Variants in PDE8A observed in about 807,000 individuals in gnomAD.
PDE8A encodes high affinity cAMP-specific and IBMX-insensitive 3',5'-cyclic phosphodiesterase 8A.
Under a neutral mutation model 105.0 loss-of-function variants are expected in PDE8A, and 59 were observed. The ratio of observed to expected loss-of-function variants is 0.56; its 90% confidence interval spans 0.46 to 0.70. The LOEUF is 0.70. PDE8A is among the 30% of genes least tolerant of loss of function. The pLI, the probability that PDE8A is intolerant of heterozygous loss-of-function variation, is 0.00. For synonymous variants in PDE8A, 355 were observed against 371.9 expected (o/e 0.95, Z 0.52); for missense variants, 1,014 against 1,045.9 (o/e 0.97, Z 0.42).
chr15:85,057,044 C>A lies in PDE8A; in HGVS notation c.187-7326C>A, dbSNP rs554442437. Reference sequence around the variant, plus strand: ...TTAGTTTTCCTTCTAACAGTCAGGACCCTCAACTGCAGGCCTGTTGGAGTT... The same window carrying A: ...TTAGTTTTCCTTCTAACAGTCAGGAACCTCAACTGCAGGCCTGTTGGAGTT... On this transcript the variant is annotated intron_variant, in intron 1 of 21. Coordinates refer to ENST00000394553, the MANE Select transcript of PDE8A (RefSeq NM_002605.3). Among the ~76,000 whole-genome samples, 5 of 152,306 alleles carry A rather than the reference C, an allele frequency of 3.3e-5. No individual in the cohort carries two copies. The South Asian group carries it at 6.2e-4, about 19-fold the overall frequency.
At chr15:84,993,962 A>G (rs2079933960) in intron 1 of PDE8A, among the ~76,000 whole-genome samples, 1 of 152,190 alleles carries the variant, frequency 6.6e-6, no homozygotes, top group Non-Finnish European at 1.5e-5. Flanking sequence ...ACTATTATTT[A>G]TTTAAATGTT....
At chr15:85,107,926 T>G (rs1291055621) in intron 11 of PDE8A, among the ~76,000 whole-genome samples, 2 of 152,054 alleles carry the variant, frequency 1.3e-5, no homozygotes, top group South Asian at 4.1e-4. Context: ...CCAGGGGTAC[T>G]GAGGAAGGAG....
chr15:85,124,837 C>G (rs2082235082), intron 19 of PDE8A, among the ~76,000 whole-genome samples: 1 of 152,140 alleles, frequency 6.6e-6, no homozygotes, highest in Non-Finnish European at 1.5e-5. Flanking sequence ...AACCATACAC[C>G]CAGCAGACTT....
In PDE8A at chr15:85,115,498, C is replaced by A; in HGVS notation, c.1399+11C>A. The A allele has an allele frequency of 7.1e-7, 1 of 1,409,198 alleles. No homozygotes were observed. Among genetic ancestry groups the A allele is most frequent in the Non-Finnish European group, 9.7e-7 (1 of 1,032,712 alleles). The allele number at this position is 1,409,198 out of a possible 1,614,324, so 87.3% of individuals were successfully genotyped here. A position where few individuals can be genotyped will look rare whatever the true frequency, so the allele number is the denominator to read the frequency against. On this transcript the variant is annotated intron_variant, in intron 15 of 21. Coordinates refer to ENST00000394553, the MANE Select transcript of PDE8A (RefSeq NM_002605.3). ...TTCTTTCAACAAAAAGTAAGTTTTT[C>A]CTTTTTAATTTCTTAGATCACTGTC...
chr15:84,995,000 A>G (rs1016719148), intron 1 of PDE8A, among the ~76,000 whole-genome samples: 9 of 151,880 alleles, frequency 5.9e-5, no homozygotes, highest in African/African-American at 2.2e-4. Context: ...TGTAAATGTT[A>G]GTATACTATA....
chr15:85,004,847 C>CT (rs35818984), intron 1 of PDE8A, among the ~76,000 whole-genome samples: 52,069 of 140,362 alleles, frequency 0.37, 10,491 homozygotes, highest in African/African-American at 0.53. Context: ...TTTTAATATT[C>CT]TTTTTTTTTT....
upstream of PDE8A, among the ~76,000 whole-genome samples, chr15:84,981,290 C>A (rs2079703134): frequency 6.6e-6 from 1 of 152,178 alleles, no homozygotes; most frequent in African/African-American, 2.4e-5. Flanking sequence ...AGGTGGCGGG[C>A]GCCCCAGCTG....
intron 1 of PDE8A, among the ~76,000 whole-genome samples, chr15:85,043,245 T>C (rs1185404242): frequency 1.3e-5 from 2 of 152,232 alleles, no homozygotes; most frequent in Admixed American, 1.3e-4. Context: ...TCAGTTTTTC[T>C]TTAGAAGGGA....
chr15:85,058,846 C>T (rs952910270), intron 1 of PDE8A, among the ~76,000 whole-genome samples: 4 of 152,012 alleles, frequency 2.6e-5, no homozygotes, highest in Non-Finnish European at 5.9e-5. Flanking sequence ...TTCAAAGAAC[C>T]AGCTTTTGGT....
At chr15:84,987,324 C>T (rs1392139416) in intron 1 of PDE8A, among the ~76,000 whole-genome samples, 1 of 152,180 alleles carries the variant, frequency 6.6e-6, no homozygotes, top group Non-Finnish European at 1.5e-5. Context: ...TACCTGAAAC[C>T]TGTCCCTGAC....
At chr15:85,117,114 C>A (rs373985593) in intron 16 of PDE8A, among the ~76,000 whole-genome samples, 3 of 152,194 alleles carry the variant, frequency 2.0e-5, no homozygotes, top group African/African-American at 7.2e-5. Flanking sequence ...CAGGGGAAAT[C>A]CCCTCATACT....
intron 1 of PDE8A, among the ~76,000 whole-genome samples, chr15:84,998,913 CAT>C (rs1324835599): frequency 2.6e-5 from 4 of 152,134 alleles, no homozygotes; most frequent in Admixed American, 2.0e-4. Flanking sequence ...TATGAGCAAA[CAT>C]ATACTCGTTT....
intron 1 of PDE8A, among the ~76,000 whole-genome samples, chr15:85,012,922 C>A (rs879609784): frequency 2.0e-4 from 30 of 152,156 alleles, no homozygotes; most frequent in Admixed American, 7.2e-4. Context: ...ACTTTGGAAA[C>A]AAAAGAGTGG....
intron 16 of PDE8A, 141 bp downstream of exon 16, chr15:85,116,260 G>A: frequency 1.4e-6 from 1 of 723,652 alleles, no homozygotes; most frequent in Non-Finnish European, 2.2e-6. Context: ...AGGGCACCAG[G>A]TGGCTCTGAG....
intron 1 of PDE8A, among the ~76,000 whole-genome samples, chr15:84,990,478 C>A (rs897112906): frequency 5.3e-5 from 8 of 152,092 alleles, no homozygotes; most frequent in Non-Finnish European, 8.8e-5. Context: ...TAAATAGAAC[C>A]TTACAGTCTA....
At chr15:85,091,281 C>T in intron 8 of PDE8A, 100 bp downstream of exon 8, 1 of 1,042,290 alleles carries the variant, frequency 9.6e-7, no homozygotes, top group Non-Finnish European at 1.4e-6. Context: ...TCTTACTCCT[C>T]CCAGCAGCCC....
In PDE8A at chr15:85,137,807, C is replaced by T. The variant is rs759331681; in HGVS notation, c.2394C>T (p.Asp798=). ...DMFDAWDAFV[D]LPDLMQHLDN... ...TATCTTTCTCTCCAGCCTTTGTAGA[C>T]CTGCCTGATTTAATGCAGCATCTTG... is the stretch of plus-strand genomic sequence containing the variant. Residue 798 remains aspartate (D), a synonymous_variant, in exon 22 of 22, where the codon GAC becomes GAT. Transcript: ENST00000394553. 6.8e-6 allele frequency: 11 copies of T among 1,606,738 alleles called. No homozygotes were observed. The highest frequency in any genetic ancestry group is 5.5e-5 in the South Asian group (5 of 90,938).
At chr15:85,007,964 G>T (rs986745449) in intron 1 of PDE8A, among the ~76,000 whole-genome samples, 1 of 152,058 alleles carries the variant, frequency 6.6e-6, no homozygotes, top group Admixed American at 6.5e-5. Context: ...GAAGGGTGAG[G>T]TGGTTGTGTT....
chr15:85,120,599 G>T, intron 17 of PDE8A, 198 bp from the exon 18 acceptor site: 1 of 525,652 alleles, frequency 1.9e-6, no homozygotes, highest in East Asian at 3.1e-5. Context: ...TCCTTAACTT[G>T]TGTGAGACTA....
Sources: allele counts gnomAD v4.1 joint callset (sites outside exome capture counted in the v4.1 genomes callset), GRCh38; gene constraint gnomAD v4.1.1; transcripts MANE v1.5; gene names NCBI Gene and HGNC (gene_info 2026-07-23, HGNC 2026-07-21).